Variants in KCP observed in about 807,000 individuals in gnomAD.
KCP encodes kielin/chordin-like protein.
Under a neutral mutation model 212.7 loss-of-function variants are expected in KCP, and 194 were observed. The ratio of observed to expected loss-of-function variants is 0.91; its 90% CI spans 0.81 to 1.03. KCP has a LOEUF of 1.03. Among genes scored for constraint, KCP ranks in the 50% least tolerant of loss-of-function variants. KCP has a pLI of 0.00. For missense variants in KCP, 2,080 were observed against 2,162.5 expected, an observed-to-expected ratio of 0.96 and a Z score of 0.76; for synonymous variants, 833 against 865.3, an observed-to-expected ratio of 0.96 and a Z score of 0.65.
Position 128,876,938 on chromosome 7 carries a change from C to T in KCP, c.*105G>A. 1 of 1,353,086 alleles carries T rather than the reference C, an allele frequency of 7.4e-7. No individual in the cohort carries two copies. The highest frequency in any genetic ancestry group is 1.5e-5 in the South Asian group (1 of 68,294). 83.8% of individuals were successfully genotyped at this position (1,353,086 alleles called of 1,614,324 possible). On this transcript the variant is annotated 3_prime_UTR_variant, in exon 40 of 40. Transcript: ENST00000610776. ...CTTTGCAGGGCAGGGGCCCAGGCTC[C>T]AGTGTCCAGGCAGGGCATTCTCTCC...
Position 128,904,062 on chromosome 7 carries a change from G to C in KCP, c.648C>G (p.Thr216=), listed in dbSNP as rs1181155008. The C allele has an allele frequency of 6.4e-7, 1 of 1,551,414 alleles. No homozygotes were observed. Among genetic ancestry groups the C allele is most frequent in the African/African-American group, 1.4e-5 (1 of 72,994 alleles). Residue 216 remains threonine, a synonymous_variant, in exon 6 of 40, where the codon ACC becomes ACG. Coordinates refer to ENST00000610776, the MANE Select transcript of KCP (RefSeq NM_001366122.1). The part of the protein sequence containing the change: ...LSSSNPCLQC[T]CLRSRVRCMA... ...AGGGGACAGGTGGACTCACCAGGCA[G>C]GTGCACTGTAGACAAGGGTTGGAGC...
chr7:128,887,055 C>G lies in KCP; in HGVS notation c.2599-89G>C, dbSNP rs911772406. ...TACTGAGCCTGCAGGGGCCCAAACA[C>G]CCTCCCTTGGCCCGGGACACCTGAG... On this transcript the variant is annotated intron_variant, in intron 23 of 39. Transcript: ENST00000610776. 11 of 1,025,512 alleles carry G rather than the reference C, an allele frequency of 1.1e-5. No individual in the cohort carries two copies. The Admixed American group carries it at 1.9e-4, about 18-fold the overall frequency. The allele number at this position is 1,025,512 out of a possible 1,614,324, so 63.5% of individuals were successfully genotyped here. A position where few individuals can be genotyped will look rare whatever the true frequency, so the allele number is the denominator to read the frequency against.
chr7:128,902,495 G>T (rs1794905882), intron 8 of KCP, among the ~76,000 whole-genome samples: 4 of 152,164 alleles, frequency 2.6e-5, no homozygotes, highest in Admixed American at 2.6e-4. Context: ...CTACTCTGGA[G>T]CTTTTGCCGC....
intron 7 of KCP, 125 bp from the exon 8 acceptor site, chr7:128,902,984 G>T: frequency 1.4e-6 from 1 of 714,432 alleles, no homozygotes; most frequent in Non-Finnish European, 2.4e-6. Context: ...GACTAGATGG[G>T]GTCAGATCTC....
chr7:128,902,499 T>G (rs1448169029), intron 8 of KCP, among the ~76,000 whole-genome samples: 2 of 152,180 alleles, frequency 1.3e-5, no homozygotes, highest in African/African-American at 4.8e-5. Context: ...TCTGGAGCTT[T>G]TGCCGCTCGC....
At position 128,881,917 on chromosome 7, in the gene KCP, C is replaced by A; in HGVS notation, c.3324+20G>T. The A allele has an allele frequency of 6.5e-7, 1 of 1,550,232 alleles. No homozygotes were observed. Among genetic ancestry groups the A allele is most frequent in the Admixed American group, 2.0e-5 (1 of 50,932 alleles). On this transcript the variant is annotated intron_variant, in intron 30 of 39. Coordinates refer to ENST00000610776, the MANE Select transcript of KCP (RefSeq NM_001366122.1). Reference sequence around the variant, plus strand: ...AGGAAGAAGAGGGGCTCTGTGAGTCCCCAAGGCAGGAGGGCTCACCTGGCA... The same window carrying A: ...AGGAAGAAGAGGGGCTCTGTGAGTCACCAAGGCAGGAGGGCTCACCTGGCA...
At chr7:128,909,049 C>T (rs1004363394) in intron 1 of KCP, among the ~76,000 whole-genome samples, 2 of 152,200 alleles carry the variant, frequency 1.3e-5, no homozygotes, top group Non-Finnish European at 2.9e-5. Context: ...CCCCTGCTAA[C>T]TTTGAACACA....
Position 128,908,449 on chromosome 7 carries a change from C to A in KCP, c.196G>T (p.Ala66Ser), listed in dbSNP as rs780338618. 2 of 1,551,414 alleles carry A rather than the reference C, an allele frequency of 1.3e-6. No individual in the cohort carries two copies. Among genetic ancestry groups the A allele is most frequent in the Non-Finnish European group, 1.7e-6 (2 of 1,146,984 alleles). Reference protein sequence around the residue: ...LREWLGRLEAAVMELREQNKD... With the variant: ...LREWLGRLEASVMELREQNKD... ...ACCTGTTCTCTGAGCTCCATCACTG[C>A]AGCCTCCAGTCGCCCCAGCCACTCT... The change falls in exon 2 of 40, where the codon GCA (alanine) becomes TCA (serine). Residue 66 changes from alanine to serine, a missense_variant. Ala to Ser is a moderately conservative substitution (Grantham distance 99, BLOSUM62 1). Coordinates refer to ENST00000610776, the MANE Select transcript of KCP (RefSeq NM_001366122.1).
chr7:128,886,608 G>T, intron 25 of KCP, 47 bp downstream of exon 25: 1 of 1,550,528 alleles, frequency 6.4e-7, no homozygotes, highest in Non-Finnish European at 8.7e-7. Flanking sequence ...GGGCCCAGAG[G>T]TGCTATGGTC....
At position 128,902,797 on chromosome 7, in the gene KCP, A is replaced by C. The variant is rs1208809956; in HGVS notation, c.811T>G (p.Cys271Gly). 1 of 1,551,444 alleles carries C rather than the reference A, an allele frequency of 6.4e-7. No individual in the cohort carries two copies. Among genetic ancestry groups the C allele is most frequent in the Non-Finnish European group, 8.7e-7 (1 of 1,147,024 alleles). ...GQEWTTPGDP[C>G]RICRCLEGHI... ...CTCACCAGGCACCGGCAGATTCGGC[A>C]GGGGTCCCCAGGTGTTGTCCACTCT... is the stretch of plus-strand genomic sequence containing the variant. Residue 271 changes from cysteine (C) to glycine (G), a missense_variant, in exon 8 of 40, where the codon TGC (cysteine) becomes GGC (glycine). Physicochemically the swap from Cys to Gly is radical, Grantham distance 159. Coordinates refer to ENST00000610776, the MANE Select transcript of KCP (RefSeq NM_001366122.1).
At position 128,877,056 on chromosome 7, in the gene KCP, T is replaced by C; in HGVS notation, c.4874A>G (p.Gln1625Arg). 1.3e-6 allele frequency: 2 copies of C among 1,529,914 alleles called. No individual in the cohort carries two copies. Among genetic ancestry groups the C allele is most frequent in the African/African-American group, 2.8e-5 (2 of 71,654 alleles). The allele number at this position is 1,529,914 out of a possible 1,614,324, so 94.8% of individuals were successfully genotyped here. ...GARPSPSREP[Q>R]ETP ...CACTGTCCTGGCTCAGGGTGTCTCC[T>C]GGGGCTCCCGGCTGGGGCTGGGCCG... The change falls in exon 40 of 40, where the codon CAG (glutamine) becomes CGG (arginine). Residue 1625 changes from glutamine (Q) to arginine (R), a missense_variant. Gln to Arg is a conservative substitution (Grantham distance 43). Coordinates refer to ENST00000610776, the MANE Select transcript of KCP (RefSeq NM_001366122.1).
rs938539418 is a variant in KCP, at chr7:128,888,924, A to G, written c.2451T>C (p.Cys817=). The G allele has an allele frequency of 8.4e-6, 13 of 1,550,218 alleles. No homozygotes were observed. The highest frequency in any genetic ancestry group is 9.6e-6 in the Non-Finnish European group (11 of 1,146,712). Residue 817 remains cysteine (C), a synonymous_variant, in exon 22 of 40, where the codon TGT becomes TGC. Coordinates refer to ENST00000610776, the MANE Select transcript of KCP (RefSeq NM_001366122.1). ...GGFVTCGRRP[C]EPPGCSHPLI... is the part of the protein sequence containing the mutation. ...GTGGGTGGCTGCAGCCCGGAGGCTC[A>G]CAGGGCCGGCGGCCGCAGGTCACGA... is the stretch of plus-strand genomic sequence containing the variant.
In KCP at chr7:128,885,142, C is replaced by T. The variant is rs779950744; in HGVS notation, c.2995G>A (p.Ala999Thr). 39 of 1,550,818 alleles carry T rather than the reference C, an allele frequency of 2.5e-5. No homozygotes were observed. The African/African-American group carries it at 3.7e-4, about 15-fold the overall frequency. The change falls in exon 27 of 40, where the codon GCC becomes ACC. Residue 999 changes from alanine (A) to threonine (T), a missense_variant. Transcript: ENST00000610776. ...TCATGGGGCCCTTGGCGGGGCTGGG[C>T]GCAAGAGCTGATGCACTGGATGCGT... Reference protein sequence around the residue: ...CARIQCISSCAQPRQGPHDCC... With the variant: ...CARIQCISSCTQPRQGPHDCC...
At position 128,891,461 on chromosome 7, in the gene KCP, C is replaced by G. The variant is rs1336666516; in HGVS notation, c.1868G>C (p.Cys623Ser). 3.2e-6 allele frequency: 5 copies of G among 1,550,436 alleles called. No homozygotes were observed. Among genetic ancestry groups the G allele is most frequent in the East Asian group, 2.4e-5 (1 of 40,926 alleles). The change falls in exon 18 of 40, where the codon TGT becomes TCT. Residue 623 changes from cysteine (C) to serine (S), a missense_variant. Physicochemically the swap from Cys to Ser is moderately radical, Grantham distance 112. Transcript: ENST00000610776. Reference sequence around the variant, plus strand: ...CAGGTGCAGACTCACCAGACAGCGACACAGACGGCAGGGGTCAGAGGGGTG... The same window carrying G: ...CAGGTGCAGACTCACCAGACAGCGAGACAGACGGCAGGGGTCAGAGGGGTG... The part of the protein sequence containing the change: ...FPHPSDPCRL[C>S]RCLSGNVQCL...
chr7:128,880,080 C>G lies in KCP; in HGVS notation c.3765G>C (p.Lys1255Asn), dbSNP rs1201344142. Residue 1255 changes from lysine to asparagine, a missense_variant, in exon 35 of 40, where the codon AAG becomes AAC. Lys to Asn is a moderately conservative substitution (Grantham distance 94, BLOSUM62 0). Coordinates refer to ENST00000610776, the MANE Select transcript of KCP (RefSeq NM_001366122.1). ...RCSPLSCGPD[K>N]APALSPGSCC... ...AGCTGCCAGGACTCAGGGCAGGGGC[C>G]TTGTCCTGCACTCAGCCCCAGACAC... 1 of 1,538,974 alleles carries G rather than the reference C, an allele frequency of 6.5e-7. No individual in the cohort carries two copies. Among genetic ancestry groups the G allele is most frequent in the Non-Finnish European group, 8.8e-7 (1 of 1,142,246 alleles).
Position 128,888,036 on chromosome 7 carries a change from CACA to C in KCP, c.2513-739_2513-737del, listed in dbSNP as rs1426202513. Among the ~76,000 whole-genome samples the C allele has an allele frequency of 9.8e-3, 1,313 of 133,358 alleles. 32 individuals carry two copies. Among genetic ancestry groups the C allele is most frequent in the African/African-American group, 0.033 (1,271 of 38,584 alleles). The allele number at this position is 133,358 out of a possible 152,430, so 87.5% of individuals were successfully genotyped here. On this transcript the variant is annotated intron_variant, in intron 22 of 39. Transcript: ENST00000610776. ...CCACACACAGCCACACACACACATA[CACA>C]CACACACACACACATCCCACATACA...
rs941461948 is a variant in KCP, at chr7:128,890,365, G to A, written c.2313C>T (p.Gly771=). 34 of 1,551,284 alleles carry A rather than the reference G, an allele frequency of 2.2e-5. No individual in the cohort carries two copies. The highest frequency in any genetic ancestry group is 1.7e-4 in the Middle Eastern group (1 of 6,014). The part of the protein sequence containing the change: ...APALCPFPAR[G]DCCPDCDGCE... Reference sequence around the variant, plus strand: ...CACCATCACAGTCAGGGCAGCAGTCGCCCCTGGCAGGGAAGGGGCACAGTG... The same window carrying A: ...CACCATCACAGTCAGGGCAGCAGTCACCCCTGGCAGGGAAGGGGCACAGTG... Residue 771 remains glycine (G), a synonymous_variant, in exon 21 of 40, where the codon GGC becomes GGT. Transcript: ENST00000610776.
In KCP at chr7:128,885,198, CAGG is replaced by C; in HGVS notation, c.2936_2938del (p.Ser979del). ...GGTGACGACGCCCTCGTGACACACA[CAGG>C]AGGAGCAGGCACTGTCGGGGGGCAC... On this transcript the variant is annotated inframe_deletion, in exon 27 of 40. Coordinates refer to ENST00000610776, the MANE Select transcript of KCP (RefSeq NM_001366122.1). The C allele has an allele frequency of 6.4e-7, 1 of 1,550,862 alleles. No individual in the cohort carries two copies. The highest frequency in any genetic ancestry group is 8.7e-7 in the Non-Finnish European group (1 of 1,146,982).
chr7:128,883,030 A>G (rs991875683), intron 29 of KCP, among the ~76,000 whole-genome samples: 1 of 151,660 alleles, frequency 6.6e-6, no homozygotes, highest in Non-Finnish European at 1.5e-5. Context: ...GTGCCACCGC[A>G]CTCCAGCCTG....
Sources: gnomAD v4.1 joint callset for allele counts (sites outside exome capture counted in the v4.1 genomes callset) on GRCh38, gnomAD v4.1.1 for gene constraint, MANE v1.5 for transcripts, NCBI Gene and HGNC (gene_info 2026-07-23, HGNC 2026-07-21) for gene names.